Variants in DOCK4 observed in about 807,000 individuals in gnomAD.
The protein encoded by DOCK4 is dedicator of cytokinesis protein 4.
DOCK4 carries 97 observed loss-of-function variants against 268.1 expected under a neutral mutation model. The ratio of observed to expected loss-of-function variants is 0.36; its 90% CI spans 0.31 to 0.43. The LOEUF is 0.43. Ranked by LOEUF, DOCK4 falls within the 20% of genes least tolerant of loss-of-function variation. The pLI, the probability that DOCK4 is intolerant of heterozygous loss-of-function variation, is 1.00. For missense variants in DOCK4, 2,145 were observed against 2,455.7 expected (o/e 0.87, Z 2.67); for synonymous variants, 954 against 887.2 (o/e 1.08, Z -1.34).
At chr7:112,014,408 T>C (rs1275501565) in intron 1 of DOCK4, among the ~76,000 whole-genome samples, 3 of 152,182 alleles carry the variant, frequency 2.0e-5, no homozygotes, top group Non-Finnish European at 4.4e-5. Flanking sequence ...CACCTAGAAA[T>C]GAGGATCTCT....
intron 20 of DOCK4, among the ~76,000 whole-genome samples, chr7:111,870,647 T>G (rs1806348803): frequency 1.3e-5 from 2 of 152,196 alleles, no homozygotes; most frequent in South Asian, 2.1e-4. Context: ...GGAAACAGTT[T>G]ACCCAGCAAT....
chr7:111,957,663 G>T (rs1241722139), intron 8 of DOCK4, among the ~76,000 whole-genome samples: 1 of 152,092 alleles, frequency 6.6e-6, no homozygotes, highest in Non-Finnish European at 1.5e-5. Context: ...CATGAAGGCA[G>T]GAATTTTTTG....
chr7:111,885,739 G>A (rs1197461207), intron 16 of DOCK4, among the ~76,000 whole-genome samples: 1 of 152,192 alleles, frequency 6.6e-6, no homozygotes, highest in Admixed American at 6.5e-5. Flanking sequence ...ACAAATTAGA[G>A]AGGAGAGAGA....
intron 13 of DOCK4, among the ~76,000 whole-genome samples, chr7:111,908,174 T>A (rs898463332): frequency 1.3e-5 from 2 of 152,030 alleles, no homozygotes; most frequent in East Asian, 3.9e-4. Flanking sequence ...ATTGGCCGGG[T>A]GTGGTGGCTC....
At chr7:111,873,417 G>A (rs1249202960) in intron 17 of DOCK4, among the ~76,000 whole-genome samples, 1 of 152,214 alleles carries the variant, frequency 6.6e-6, no homozygotes, top group Non-Finnish European at 1.5e-5. Context: ...AGAACTGAAG[G>A]CTCGCGTGTG....
chr7:111,811,803 TTAGG>T, intron 28 of DOCK4, 67 bp downstream of exon 28: 1 of 900,582 alleles, frequency 1.1e-6, no homozygotes, highest in Admixed American at 2.5e-5. Context: ...CAAGAAAATG[TTAGG>T]TAATTTCCTA....
intron 1 of DOCK4, among the ~76,000 whole-genome samples, chr7:112,012,274 TAGAC>T (rs923188594): frequency 1.3e-4 from 19 of 151,924 alleles, no homozygotes; most frequent in South Asian, 2.1e-4. Context: ...AAGTTAAACT[TAGAC>T]AGACGCAGGC....
At position 111,920,735 on chromosome 7, in the gene DOCK4, T is replaced by A. The variant is rs181240033; in HGVS notation, c.1067-4831A>T. ...GATTTAAGGATGTATATTACAGTTTTCCTACACCCAAGAAACTGATAATCT... is the reference window on the plus strand; with the variant it reads ...GATTTAAGGATGTATATTACAGTTTACCTACACCCAAGAAACTGATAATCT... On this transcript the variant is annotated intron_variant, in intron 12 of 52. Transcript: ENST00000428084. 5.1e-4 allele frequency among the ~76,000 whole-genome samples: 77 copies of A among 152,184 alleles called. 1 individual carries two copies. The highest frequency in any genetic ancestry group is 9.2e-4 in the Admixed American group (14 of 15,274).
chr7:111,729,170 T>A (rs1794888005), intron 52 of DOCK4, among the ~76,000 whole-genome samples: 1 of 152,196 alleles, frequency 6.6e-6, no homozygotes, highest in Admixed American at 6.5e-5. Flanking sequence ...TGTTGTCCTT[T>A]GTAGCACTGA....
At chr7:112,111,727 G>A (rs932429364) in intron 1 of DOCK4, among the ~76,000 whole-genome samples, 1 of 152,144 alleles carries the variant, frequency 6.6e-6, no homozygotes. Context: ...GGCCAGGGGC[G>A]AGGTCCCTGT....
chr7:112,136,826 T>C (rs1814399487), intron 1 of DOCK4, among the ~76,000 whole-genome samples: 1 of 152,126 alleles, frequency 6.6e-6, no homozygotes, highest in South Asian at 2.1e-4. Flanking sequence ...AGGGCTGACA[T>C]TTTCCAGAAG....
At chr7:112,127,621 A>G (rs1182104678) in intron 1 of DOCK4, among the ~76,000 whole-genome samples, 11 of 152,200 alleles carry the variant, frequency 7.2e-5, no homozygotes, top group African/African-American at 2.4e-4. Context: ...TAAAAATTAA[A>G]TTCATTTAAT....
chr7:111,880,733 C>T (rs1040133432), intron 16 of DOCK4, among the ~76,000 whole-genome samples: 2 of 152,134 alleles, frequency 1.3e-5, no homozygotes, highest in Non-Finnish European at 2.9e-5. Flanking sequence ...GACACAAAGA[C>T]CAATGGAACA....
intron 14 of DOCK4, 113 bp downstream of exon 14, chr7:111,901,564 C>G (rs553534686): frequency 3.7e-6 from 4 of 1,081,872 alleles, no homozygotes; most frequent in Non-Finnish European, 3.8e-6. Context: ...TAGAAAATAA[C>G]GCAAATCAGA....
At position 111,944,765 on chromosome 7, in the gene DOCK4, CCT is replaced by C. The variant is rs746494527; in HGVS notation, c.844+44_844+45del. 3.2e-6 allele frequency: 5 copies of C among 1,544,228 alleles called. No homozygotes were observed. In the African/African-American group the frequency reaches 4.1e-5, roughly 13 times the overall value. On this transcript the variant is annotated intron_variant, in intron 10 of 52. Transcript: ENST00000428084. ...AACATAGAAACCTCTTGGCATTTCT[CCT>C]CTCTGTTCCTTGCCCCTACTGCACT...
At chr7:112,012,476 G>A (rs1801417954) in intron 1 of DOCK4, among the ~76,000 whole-genome samples, 1 of 152,260 alleles carries the variant, frequency 6.6e-6, no homozygotes, top group Admixed American at 6.5e-5. Context: ...CTGCACAACA[G>A]TATTATTTGT....
chr7:112,115,633 T>TCACC lies in DOCK4; in HGVS notation c.37+90468_37+90469insGGTG, dbSNP rs1554448922. On this transcript the variant is annotated intron_variant, in intron 1 of 52. Transcript: ENST00000428084. ...ATATGCCATCTATCAATCCACCCAT[T>TCACC]CATCCATCCATCCATCCACCCATCC... 9.3e-5 allele frequency among the ~76,000 whole-genome samples: 3 copies of TCACC among 32,188 alleles called. No homozygotes were observed. In the African/African-American group the frequency reaches 2.2e-3, roughly 24 times the overall value. The allele number at this position is 32,188 out of a possible 152,430, so 21.1% of individuals were successfully genotyped here.
chr7:112,018,179 A>AAAAAAAAAAAAACAC lies in DOCK4; in HGVS notation c.38-14049_38-14048insGTGTTTTTTTTTTTT. Among the ~76,000 whole-genome samples the AAAAAAAAAAAAACAC allele has an allele frequency of 2.2e-4, 16 of 72,630 alleles. 1 individual carries two copies. The highest frequency in any genetic ancestry group is 1.0e-3 in the Admixed American group (8 of 7,654). The allele number at this position is 72,630 out of a possible 152,430, so 47.6% of individuals were successfully genotyped here. ...AAAAAAAAAAAAAAAAAAAAAAAAA[A>AAAAAAAAAAAAACAC]ACACAGGCAACCAGTATTCATGTGG... On this transcript the variant is annotated intron_variant, in intron 1 of 52. Transcript: ENST00000428084.
At chr7:111,947,891 T>A (rs1795747629) in intron 8 of DOCK4, among the ~76,000 whole-genome samples, 1 of 152,032 alleles carries the variant, frequency 6.6e-6, no homozygotes, top group South Asian at 2.1e-4. Flanking sequence ...ACTCGGCTAA[T>A]TTTTGTAATT....
Sources: allele counts gnomAD v4.1 joint callset (sites outside exome capture counted in the v4.1 genomes callset), GRCh38; gene constraint gnomAD v4.1.1; transcripts MANE v1.5; gene names NCBI Gene and HGNC (gene_info 2026-07-23, HGNC 2026-07-21).